The following LRP1B variants were observed in gnomAD, a reference collection of about 807,000 sequenced individuals.
LRP1B encodes LDL receptor related protein 1B, also known as low-density lipoprotein receptor-related protein 1B.
A neutral mutation model predicts 556.6 loss-of-function variants in LRP1B; 217 were observed. That is an observed-to-expected ratio of 0.39 (90% CI 0.35 to 0.44). The LOEUF (loss-of-function observed/expected upper bound fraction) is 0.44. Ranked by LOEUF, LRP1B falls within the 20% of genes least tolerant of loss-of-function variation. The pLI, the probability that LRP1B is intolerant of heterozygous loss-of-function variation, is 1.00. For missense variants in LRP1B, 5,053 were observed against 5,620.8 expected (o/e 0.90, Z 3.23); for synonymous variants, 2,047 against 1,865.8 (o/e 1.10, Z -2.50).
At chr2:140,478,376 C>T (rs927815268) in intron 59 of LRP1B, among the ~76,000 whole-genome samples, 2 of 151,986 alleles carry the variant, frequency 1.3e-5, no homozygotes, top group African/African-American at 4.8e-5. Context: ...GTCTCGATCT[C>T]CTGACCTTGT....
chr2:140,963,848 C>T (rs1696112313), intron 18 of LRP1B, among the ~76,000 whole-genome samples: 1 of 152,106 alleles, frequency 6.6e-6, no homozygotes, highest in South Asian at 2.1e-4. Context: ...TTCCAGTTAC[C>T]TGTGTAGGGA....
At chr2:141,666,352 G>A (rs985261547) in intron 2 of LRP1B, among the ~76,000 whole-genome samples, 1 of 152,056 alleles carries the variant, frequency 6.6e-6, no homozygotes, top group Admixed American at 6.5e-5. Flanking sequence ...TCTCATGGTG[G>A]CAATCAAATC....
In LRP1B at chr2:141,153,112, T is replaced by G. The variant is rs149692347; in HGVS notation, c.1013+35309A>C. On this transcript the variant is annotated intron_variant, in intron 7 of 90. Coordinates refer to ENST00000389484, the MANE Select transcript of LRP1B (RefSeq NM_018557.3). ...TTAAATGGTGGCAAAAGATCCACAC[T>G]TATTTAAATTTGTAGATTTCTTCCA... is the stretch of plus-strand genomic sequence containing the variant. Among the ~76,000 whole-genome samples the G allele has an allele frequency of 6.8e-3, 1,006 of 148,526 alleles. 10 individuals are homozygous for G. Among genetic ancestry groups the G allele is most frequent in the African/African-American group, 0.024 (955 of 40,574 alleles).
chr2:140,775,709 T>C (rs541120023), intron 33 of LRP1B, among the ~76,000 whole-genome samples: 123 of 152,242 alleles, frequency 8.1e-4, no homozygotes, highest in African/African-American at 2.9e-3. Flanking sequence ...AGCCAAACAA[T>C]GTAGTGCTTT....
chr2:140,310,771 G>A (rs533095749), intron 83 of LRP1B, among the ~76,000 whole-genome samples: 2 of 151,848 alleles, frequency 1.3e-5, no homozygotes, highest in Non-Finnish European at 3.0e-5. Context: ...AAATTTAAAT[G>A]TAAGAACTGA....
At chr2:141,306,782 C>T (rs868693649) in intron 3 of LRP1B, among the ~76,000 whole-genome samples, 1 of 151,970 alleles carries the variant, frequency 6.6e-6, no homozygotes, top group Non-Finnish European at 1.5e-5. Context: ...AATACTTTTG[C>T]TATATTCCAT....
chr2:141,348,141 T>A (rs1688318500), intron 3 of LRP1B, among the ~76,000 whole-genome samples: 1 of 152,044 alleles, frequency 6.6e-6, no homozygotes, highest in African/African-American at 2.4e-5. Flanking sequence ...CAATCTAACA[T>A]TTATGCACTA....
At chr2:140,952,014 A>G (rs1695731872) in intron 18 of LRP1B, 74 bp from the exon 19 acceptor site, 3 of 1,053,064 alleles carry the variant, frequency 2.8e-6, no homozygotes, top group Admixed American at 1.8e-5. Flanking sequence ...ATCATCTGAT[A>G]ATGTGATCAG....
intron 3 of LRP1B, among the ~76,000 whole-genome samples, chr2:141,374,275 A>T (rs1400676226): frequency 1.3e-5 from 2 of 152,104 alleles, no homozygotes; most frequent in African/African-American, 4.8e-5. Context: ...TGTATAGGTG[A>T]CTAGATACTT....
intron 2 of LRP1B, among the ~76,000 whole-genome samples, chr2:141,743,491 T>TC (rs1350826982): frequency 2.0e-4 from 10 of 48,856 alleles, no homozygotes; most frequent in Non-Finnish European, 3.0e-4. Context: ...TTTTTCTTTT[T>TC]TTTTTTTTTC....
At chr2:141,254,782 C>T (rs1233002333) in intron 3 of LRP1B, 141 bp from the exon 4 acceptor site, 9 of 557,886 alleles carry the variant, frequency 1.6e-5, no homozygotes, top group Non-Finnish European at 2.4e-5. Context: ...AAAATATTTA[C>T]CTAAAATATG....
intron 25 of LRP1B, among the ~76,000 whole-genome samples, chr2:140,870,581 T>A (rs1693097633): frequency 1.3e-5 from 2 of 152,162 alleles, no homozygotes; most frequent in African/African-American, 4.8e-5. Flanking sequence ...AGTGAAAAAT[T>A]CCCTTTGCTC....
chr2:140,336,634 G>T (rs1447381540), intron 77 of LRP1B, among the ~76,000 whole-genome samples: 1 of 151,856 alleles, frequency 6.6e-6, no homozygotes, highest in Non-Finnish European at 1.5e-5. Context: ...CACATTTAGG[G>T]TAATACTATA....
Position 141,491,805 on chromosome 2 carries a change from T to C in LRP1B, c.206-11272A>G, listed in dbSNP as rs528333576. Among the ~76,000 whole-genome samples the C allele has an allele frequency of 1.2e-4, 19 of 152,248 alleles. No individual in the cohort carries two copies. In the South Asian group the frequency reaches 3.9e-3, roughly 32 times the overall value. On this transcript the variant is annotated intron_variant, in intron 2 of 90. Coordinates refer to ENST00000389484, the MANE Select transcript of LRP1B (RefSeq NM_018557.3). ...CAAACTGTGCACACAGAGATATTGC[T>C]ATTGGCCACTCTTAAGAGGCATTTG...
rs1383388544 is a variant in LRP1B, at chr2:142,095,040, T to C, written c.82+35608A>G. 2.6e-5 allele frequency among the ~76,000 whole-genome samples: 4 copies of C among 151,832 alleles called. No individual in the cohort carries two copies. In the South Asian group the frequency reaches 6.2e-4, roughly 24 times the overall value. The stretch of plus-strand genomic sequence containing the variant: ...GTTAGCCAAACTTTAGGTACTGTGG[T>C]TAGTTAGAATATGTAAATTTCAAAT... On this transcript the variant is annotated intron_variant, in intron 1 of 90. Coordinates refer to ENST00000389484, the MANE Select transcript of LRP1B (RefSeq NM_018557.3).
intron 3 of LRP1B, among the ~76,000 whole-genome samples, chr2:141,407,994 C>A (rs1435579052): frequency 6.6e-6 from 1 of 152,152 alleles, no homozygotes; most frequent in African/African-American, 2.4e-5. Context: ...GTCACACATT[C>A]TAGCATCCAG....
intron 6 of LRP1B, among the ~76,000 whole-genome samples, chr2:141,196,457 C>T (rs1681754841): frequency 6.6e-6 from 1 of 152,032 alleles, no homozygotes. Flanking sequence ...TCCCCTCATC[C>T]TCCCACAATC....
At chr2:141,018,254 C>T (rs969283001) in intron 12 of LRP1B, among the ~76,000 whole-genome samples, 21 of 152,052 alleles carry the variant, frequency 1.4e-4, no homozygotes, top group Non-Finnish European at 2.5e-4. Flanking sequence ...AGTCTATCCC[C>T]AGCCTTTCTG....
intron 2 of LRP1B, among the ~76,000 whole-genome samples, chr2:141,756,926 T>C (rs1694343116): frequency 6.6e-6 from 1 of 152,162 alleles, no homozygotes; most frequent in Non-Finnish European, 1.5e-5. Context: ...TGTATATACA[T>C]ATATAAAAAT....
Sources: gnomAD v4.1 joint callset for allele counts (sites outside exome capture counted in the v4.1 genomes callset) on GRCh38, gnomAD v4.1.1 for gene constraint, MANE v1.5 for transcripts, NCBI Gene and HGNC (gene_info 2026-07-23, HGNC 2026-07-21) for gene names.